HPSE2: variants seen among roughly 807,000 people sequenced by gnomAD.
HPSE2 encodes heparanase 2 (inactive).
Under a neutral mutation model 60.5 loss-of-function variants are expected in HPSE2, and 38 were observed. The observed-to-expected ratio is 0.63, with a 90% CI of 0.48 to 0.82. The LOEUF (loss-of-function observed/expected upper bound fraction) is 0.82. Among genes scored for constraint, HPSE2 ranks in the 40% least tolerant of loss-of-function variants. HPSE2 has a pLI of 0.00. For synonymous variants in HPSE2, 295 were observed against 293.2 expected (o/e 1.01, Z -0.06); for missense variants, 713 against 740.4 (o/e 0.96, Z 0.43).
At chr10:98,484,175 C>T (rs1445893983) in intron 10 of HPSE2, among the ~76,000 whole-genome samples, 6 of 150,952 alleles carry the variant, frequency 4.0e-5, no homozygotes, top group Non-Finnish European at 8.9e-5. Context: ...TGCCTGCCTG[C>T]CTTCCTTTCT....
chr10:98,558,691 T>C (rs1301485265), intron 9 of HPSE2, among the ~76,000 whole-genome samples: 1 of 152,218 alleles, frequency 6.6e-6, no homozygotes, highest in Non-Finnish European at 1.5e-5. Flanking sequence ...TACGTGGGCA[T>C]TTTCAGTCTG....
At chr10:98,741,816 C>T (rs1829809246) in intron 4 of HPSE2, among the ~76,000 whole-genome samples, 1 of 152,128 alleles carries the variant, frequency 6.6e-6, no homozygotes, top group African/African-American at 2.4e-5. Flanking sequence ...TGATACTCAC[C>T]TCTTTTAACC....
intron 3 of HPSE2, among the ~76,000 whole-genome samples, chr10:98,835,603 TTCTTAGTAC>T (rs1374394338): frequency 2.0e-5 from 3 of 152,038 alleles, no homozygotes; most frequent in Non-Finnish European, 4.4e-5. Flanking sequence ...CCATAAAGAG[TTCTTAGTAC>T]TCAATAAAAT....
At chr10:98,515,363 A>G (rs571484675) in intron 9 of HPSE2, among the ~76,000 whole-genome samples, 4 of 152,302 alleles carry the variant, frequency 2.6e-5, no homozygotes, top group Admixed American at 1.3e-4. Context: ...TGGTTCAATG[A>G]TCATTATAGC....
intron 9 of HPSE2, among the ~76,000 whole-genome samples, chr10:98,551,944 T>C (rs1431809026): frequency 2.0e-5 from 3 of 152,148 alleles, no homozygotes; most frequent in African/African-American, 7.2e-5. Flanking sequence ...TAGGAATCTT[T>C]ATCATTAATA....
intron 6 of HPSE2, among the ~76,000 whole-genome samples, chr10:98,684,967 A>G (rs1589634580): frequency 6.6e-6 from 1 of 152,168 alleles, no homozygotes; most frequent in Non-Finnish European, 1.5e-5. Context: ...CATAATAGAT[A>G]AGTATATTTG....
At chr10:98,827,636 T>C (rs1234994376) in intron 3 of HPSE2, among the ~76,000 whole-genome samples, 2 of 152,156 alleles carry the variant, frequency 1.3e-5, no homozygotes, top group Non-Finnish European at 2.9e-5. Context: ...GAAACAGTAA[T>C]GGTAGTTATT....
intron 3 of HPSE2, among the ~76,000 whole-genome samples, chr10:99,038,890 T>C (rs1420314846): frequency 6.6e-6 from 1 of 152,130 alleles, no homozygotes; most frequent in Admixed American, 6.5e-5. Flanking sequence ...CGCTTTTCTG[T>C]GTTATAAAAA....
chr10:98,552,912 G>C (rs1943903076), intron 9 of HPSE2, among the ~76,000 whole-genome samples: 1 of 152,060 alleles, frequency 6.6e-6, no homozygotes, highest in South Asian at 2.1e-4. Context: ...TACACTGCAA[G>C]AACCCCAAGG....
chr10:98,586,106 A>G (rs1456132916), intron 9 of HPSE2, among the ~76,000 whole-genome samples: 1 of 152,192 alleles, frequency 6.6e-6, no homozygotes, highest in East Asian at 1.9e-4. Context: ...AAAGACATGG[A>G]CACTATTTAA....
At chr10:98,683,667 T>C (rs1947841640) in intron 6 of HPSE2, among the ~76,000 whole-genome samples, 1 of 151,914 alleles carries the variant, frequency 6.6e-6, no homozygotes, top group African/African-American at 2.4e-5. Context: ...AGAGAAAATA[T>C]ATAAAAATTA....
chr10:99,255,549 C>A, the HPSE2 span, among the ~76,000 whole-genome samples: 2 of 115,996 alleles, frequency 1.7e-5, no homozygotes, highest in African/African-American at 8.3e-5. Flanking sequence ...CACACACATG[C>A]ACGCATGCAC....
chr10:98,675,719 A>C (rs2134123118), intron 6 of HPSE2, among the ~76,000 whole-genome samples: 1 of 152,192 alleles, frequency 6.6e-6, no homozygotes, highest in East Asian at 1.9e-4. Context: ...GGGTGACAGC[A>C]TAAGACCCCT....
intron 3 of HPSE2, among the ~76,000 whole-genome samples, chr10:98,772,972 G>A (rs775518711): frequency 1.3e-5 from 2 of 152,140 alleles, no homozygotes; most frequent in African/African-American, 4.8e-5. Context: ...GGTCAACAAA[G>A]AATTATGATT....
At chr10:98,936,013 T>C (rs1412835689) in intron 3 of HPSE2, among the ~76,000 whole-genome samples, 1 of 143,766 alleles carries the variant, frequency 7.0e-6, no homozygotes, top group Non-Finnish European at 1.5e-5. Context: ...GGTGAGGGGG[T>C]ATCTAGAGAA....
chr10:98,481,669 T>C (rs1031588639), intron 11 of HPSE2, among the ~76,000 whole-genome samples: 42 of 152,298 alleles, frequency 2.8e-4, no homozygotes, highest in African/African-American at 9.9e-4. Context: ...CCATTGCAAA[T>C]ACAATTGGAA....
intron 2 of HPSE2, among the ~76,000 whole-genome samples, chr10:99,167,085 A>G (rs1847114640): frequency 6.6e-6 from 1 of 151,816 alleles, no homozygotes; most frequent in African/African-American, 2.4e-5. Flanking sequence ...ATCTTGACCC[A>G]CTGCAGCCTC....
intron 3 of HPSE2, among the ~76,000 whole-genome samples, chr10:98,930,017 C>A (rs1437725862): frequency 7.0e-6 from 1 of 143,474 alleles, no homozygotes; most frequent in Non-Finnish European, 1.5e-5. Flanking sequence ...GATACCTGTA[C>A]AAGATGTGCA....
At chr10:98,509,935 G>C (rs1442099707) in intron 9 of HPSE2, among the ~76,000 whole-genome samples, 1 of 151,882 alleles carries the variant, frequency 6.6e-6, no homozygotes, top group Non-Finnish European at 1.5e-5. Context: ...AAAGCTTAGT[G>C]CTATCAAGCT....
Sources: gnomAD v4.1 joint callset for allele counts (sites outside exome capture counted in the v4.1 genomes callset) on GRCh38, gnomAD v4.1.1 for gene constraint, MANE v1.5 for transcripts, NCBI Gene and HGNC (gene_info 2026-07-23, HGNC 2026-07-21) for gene names.